The following CEMIP2 variants were observed in gnomAD, a reference collection of about 807,000 sequenced individuals.
CEMIP2 encodes the protein cell surface hyaluronidase CEMIP2.
A neutral mutation model predicts 146.9 loss-of-function variants in CEMIP2; 79 were observed. The observed-to-expected ratio is 0.54, with a 90% confidence interval of 0.45 to 0.65. The LOEUF (loss-of-function observed/expected upper bound fraction) is 0.65. Ranked by LOEUF, CEMIP2 falls within the 30% of genes least tolerant of loss-of-function variation. The probability of loss-of-function intolerance (pLI) is 0.00; values close to 1 mark genes in which losing one functional copy is unlikely to be tolerated. For synonymous variants in CEMIP2, 601 were observed against 606.3 expected (o/e 0.99, Z 0.13); for missense variants, 1,596 against 1,696.2 (o/e 0.94, Z 1.04).
In CEMIP2 at chr9:71,729,619, A is replaced by AG. The variant is rs1470157265; in HGVS notation, c.2049+225dup. ...GGCAACAGACCGGGACTCTGTCTCG[A>AG]GAAAAAAAAAAAAAATTACAAAAAA... On this transcript the variant is annotated intron_variant, in intron 10 of 23. Coordinates refer to ENST00000377044, the MANE Select transcript of CEMIP2 (RefSeq NM_013390.3). Among the ~76,000 whole-genome samples the AG allele has an allele frequency of 1.0e-4, 15 of 146,678 alleles. No homozygotes were observed. The South Asian group carries it at 2.2e-3, about 21-fold the overall frequency.
chr9:71,704,660 A>T lies in CEMIP2; in HGVS notation c.3129T>A (p.Gly1043=), dbSNP rs25696. 0.043 allele frequency: 69,277 copies of T among 1,614,010 alleles called. 3,967 individuals carry two copies. The highest frequency in any genetic ancestry group is 0.26 in the African/African-American group (19,245 of 74,948). ...QYQPVVMLEK[G]YTIHWNGPAP... ...CCGGCCCATTCCAGTGGATGGTATA[A>T]CCCTTCTCCAGCATGACGACAGGCT... The change falls in exon 18 of 24, where the codon GGT becomes GGA. Residue 1043 remains glycine (G), a synonymous_variant. Transcript: ENST00000377044.
chr9:71,689,750 T>A (rs1822171786), intron 22 of CEMIP2, among the ~76,000 whole-genome samples: 1 of 152,122 alleles, frequency 6.6e-6, no homozygotes, highest in Admixed American at 6.5e-5. Context: ...TACTAAAAAG[T>A]ATAATGCTCT....
chr9:71,692,496 C>T (rs1186310520), intron 21 of CEMIP2, among the ~76,000 whole-genome samples: 1 of 151,952 alleles, frequency 6.6e-6, no homozygotes, highest in Non-Finnish European at 1.5e-5. Flanking sequence ...TCAGGTTCCT[C>T]ATGCAGCTGA....
intron 17 of CEMIP2, 28 bp from the exon 18 acceptor site, chr9:71,704,831 G>A: frequency 6.2e-7 from 1 of 1,602,084 alleles, no homozygotes; most frequent in Non-Finnish European, 8.5e-7. Flanking sequence ...GAAGTAAAGG[G>A]AAGAGAATGA....
chr9:71,692,480 C>G (rs1444836835), intron 21 of CEMIP2, among the ~76,000 whole-genome samples: 1 of 151,808 alleles, frequency 6.6e-6, no homozygotes, highest in Non-Finnish European at 1.5e-5. Context: ...TGCTAACAGG[C>G]TGGGATCAGG....
intron 21 of CEMIP2, among the ~76,000 whole-genome samples, chr9:71,693,101 A>G (rs1822281823): frequency 6.6e-6 from 1 of 152,224 alleles, no homozygotes; most frequent in South Asian, 2.1e-4. Flanking sequence ...AAGATAGTAA[A>G]GTTTATGTGT....
intron 1 of CEMIP2, among the ~76,000 whole-genome samples, chr9:71,760,918 C>G (rs894636225): frequency 1.2e-4 from 19 of 152,310 alleles, no homozygotes; most frequent in South Asian, 8.3e-4. Context: ...TAATATTTCT[C>G]ATATTTCTTT....
At chr9:71,709,521 T>C in intron 16 of CEMIP2, 47 bp from the exon 17 acceptor site, 1 of 1,505,970 alleles carries the variant, frequency 6.6e-7, no homozygotes, top group South Asian at 1.1e-5. Flanking sequence ...GGGCTCCTGC[T>C]ATCTCAGCAT....
chr9:71,767,558 G>GA (rs1480489060), intron 1 of CEMIP2, among the ~76,000 whole-genome samples: 3 of 152,206 alleles, frequency 2.0e-5, no homozygotes, highest in Admixed American at 1.3e-4. Flanking sequence ...GTCGAAGTCT[G>GA]GTGACACTCA....
rs372416639 is a variant in CEMIP2 at position 71,704,609 on chromosome 9, G to A, written c.3180C>T (p.Leu1060=). ...CAGAAACATACTTGTTGAAGTTGACGAGGTATAGAAATGTAGTCCGTGGTG... is the reference window on the plus strand; with the variant it reads ...CAGAAACATACTTGTTGAAGTTGACAAGGTATAGAAATGTAGTCCGTGGTG... ...GPAPRTTFLY[L]VNFNKNDWIR... is the part of the protein sequence containing the mutation. The change falls in exon 18 of 24, where the codon CTC becomes CTT. Residue 1060 remains leucine, a synonymous_variant. Transcript: ENST00000377044. 1.4e-5 allele frequency: 23 copies of A among 1,613,924 alleles called. No individual in the cohort carries two copies. Among genetic ancestry groups the A allele is most frequent in the East Asian group, 4.5e-5 (2 of 44,894 alleles).
intron 5 of CEMIP2, among the ~76,000 whole-genome samples, chr9:71,737,652 T>G (rs1367894141): frequency 6.6e-6 from 1 of 152,138 alleles, no homozygotes; most frequent in Non-Finnish European, 1.5e-5. Context: ...ACTATAAGCA[T>G]GAGTCACCGT....
At chr9:71,739,008 C>T (rs1407274276) in intron 5 of CEMIP2, among the ~76,000 whole-genome samples, 1 of 152,082 alleles carries the variant, frequency 6.6e-6, no homozygotes, top group Non-Finnish European at 1.5e-5. Context: ...GGATTATCTC[C>T]TACTAGCACT....
chr9:71,701,024 C>T (rs1822544620), intron 18 of CEMIP2, among the ~76,000 whole-genome samples, 200 bp from the exon 19 acceptor site: 1 of 152,204 alleles, frequency 6.6e-6, no homozygotes, highest in African/African-American at 2.4e-5. Context: ...AATCACCCAC[C>T]TTCATCTGTT....
At chr9:71,726,479 G>A (rs1823389457) in intron 10 of CEMIP2, among the ~76,000 whole-genome samples, 2 of 152,132 alleles carry the variant, frequency 1.3e-5, no homozygotes, top group Admixed American at 6.5e-5. Flanking sequence ...AGTGTAAAAG[G>A]ACAGCATTAA....
Position 71,733,740 on chromosome 9 carries a change from A to G in CEMIP2, c.1393+1066T>C, listed in dbSNP as rs192281093. 3.9e-5 allele frequency among the ~76,000 whole-genome samples: 6 copies of G among 152,352 alleles called. No homozygotes were observed. In the East Asian group the frequency reaches 7.7e-4, roughly 20 times the overall value. ...AATGCACAATGAATCCCATAAATGA[A>G]GCAATGTACAAAGGGGCTGTGCCTA... On this transcript the variant is annotated intron_variant, in intron 6 of 23. Coordinates refer to ENST00000377044, the MANE Select transcript of CEMIP2 (RefSeq NM_013390.3).
chr9:71,767,259 C>T (rs1824825025), intron 1 of CEMIP2, among the ~76,000 whole-genome samples: 1 of 152,142 alleles, frequency 6.6e-6, no homozygotes, highest in South Asian at 2.1e-4. Flanking sequence ...GTCAGGCCTC[C>T]CTCAGCTCAG....
At chr9:71,725,938 A>G (rs1238410114) in intron 10 of CEMIP2, among the ~76,000 whole-genome samples, 1 of 152,210 alleles carries the variant, frequency 6.6e-6, no homozygotes, top group Non-Finnish European at 1.5e-5. Context: ...TGGACAAAAG[A>G]GAAATAATTG....
intron 22 of CEMIP2, 105 bp downstream of exon 22, chr9:71,689,987 G>C: frequency 7.1e-7 from 1 of 1,404,398 alleles, no homozygotes; most frequent in Non-Finnish European, 9.8e-7. Flanking sequence ...ATAGTGCCCT[G>C]AATGTCCAGA....
intron 1 of CEMIP2, among the ~76,000 whole-genome samples, chr9:71,765,792 G>A (rs564459438): frequency 6.6e-6 from 1 of 152,228 alleles, no homozygotes; most frequent in South Asian, 2.1e-4. Context: ...AAGTGACACA[G>A]GTATCTTCAA....
Sources: gnomAD v4.1 joint callset for allele counts (sites outside exome capture counted in the v4.1 genomes callset) on GRCh38, gnomAD v4.1.1 for gene constraint, MANE v1.5 for transcripts, NCBI Gene and HGNC (gene_info 2026-07-23, HGNC 2026-07-21) for gene names.